PLEKHG5: variants seen among roughly 807,000 people sequenced by gnomAD.
The protein encoded by PLEKHG5 is pleckstrin homology and RhoGEF domain containing G5.
Under a neutral mutation model 103.8 loss-of-function variants are expected in PLEKHG5, and 52 were observed. The observed-to-expected ratio is 0.50, with a 90% CI of 0.40 to 0.63. The LOEUF (loss-of-function observed/expected upper bound fraction) is 0.63, where lower values mean the gene tolerates loss of function less well. Among genes scored for constraint, PLEKHG5 ranks in the 30% least tolerant of loss-of-function variants. The pLI, the probability that PLEKHG5 is intolerant of heterozygous loss-of-function variation, is 0.00. For missense variants in PLEKHG5, 1,205 were observed against 1,347.6 expected (o/e 0.89, Z 1.66); for synonymous variants, 592 against 575.5 (o/e 1.03, Z -0.41).
At chr1:6,480,718 G>C (rs945800565) in intron 1 of PLEKHG5, among the ~76,000 whole-genome samples, 1 of 150,968 alleles carries the variant, frequency 6.6e-6, no homozygotes, top group Non-Finnish European at 1.5e-5. Context: ...CCGCAATCTC[G>C]GCTCACTGCA....
At chr1:6,514,070 C>A (rs1233717270) in intron 1 of PLEKHG5, among the ~76,000 whole-genome samples, 5 of 152,208 alleles carry the variant, frequency 3.3e-5, no homozygotes, top group Admixed American at 2.6e-4. Flanking sequence ...CGTCTACAGT[C>A]TCAGCACTTT....
chr1:6,476,356 CATTTTTTTGT>C (rs1451637384), intron 2 of PLEKHG5, among the ~76,000 whole-genome samples: 1 of 151,960 alleles, frequency 6.6e-6, no homozygotes, highest in East Asian at 1.9e-4. Context: ...ACACCCGGCT[CATTTTTTTGT>C]ATTTTTAGTA....
At chr1:6,517,350 A>C (rs1638654826) in intron 1 of PLEKHG5, among the ~76,000 whole-genome samples, 1 of 151,790 alleles carries the variant, frequency 6.6e-6, no homozygotes, top group Non-Finnish European at 1.5e-5. Context: ...TATGCTGAGA[A>C]TAGGTGACCA....
intron 1 of PLEKHG5, among the ~76,000 whole-genome samples, chr1:6,511,437 G>T (rs1638467980): frequency 6.6e-6 from 1 of 152,246 alleles, no homozygotes; most frequent in South Asian, 2.1e-4. Flanking sequence ...GTGATTAAAT[G>T]AGGCTGCCTG....
intron 1 of PLEKHG5, among the ~76,000 whole-genome samples, chr1:6,517,400 C>A (rs879827162): frequency 1.3e-5 from 2 of 151,882 alleles, no homozygotes; most frequent in Non-Finnish European, 2.9e-5. Context: ...ACAGGGGACA[C>A]TCCAAAAGGT....
In PLEKHG5 at chr1:6,470,097, G is replaced by A; in HGVS notation, c.1800+139C>T. 7.1e-6 allele frequency: 7 copies of A among 980,220 alleles called. No homozygotes were observed. The South Asian group carries it at 7.7e-5, about 11-fold the overall frequency. The allele number at this position is 980,220 out of a possible 1,614,324, so 60.7% of individuals were successfully genotyped here. ...CTGCTGGATTTGTGAATGGCAGGCA[G>A]AGAACTGTCATTCACTATGACAAGG... On this transcript the variant is annotated intron_variant, in intron 16 of 20. Coordinates refer to ENST00000377728, the MANE Select transcript of PLEKHG5 (RefSeq NM_020631.6).
chr1:6,519,877 C>T, exon 1 of PLEKHG5: 1 of 366,872 alleles, frequency 2.7e-6, no homozygotes, highest in Non-Finnish European at 5.2e-6. Flanking sequence ...GGCTCCCACA[C>T]TGCTGGCTGC....
At chr1:6,516,724 T>C (rs1405482467) in intron 1 of PLEKHG5, among the ~76,000 whole-genome samples, 1 of 149,282 alleles carries the variant, frequency 6.7e-6, no homozygotes, top group Middle Eastern at 3.2e-3. Context: ...CTGGCATATA[T>C]ATATATGTGT....
At position 6,471,777 on chromosome 1, in the gene PLEKHG5, T is replaced by G. The variant is rs1569861657; in HGVS notation, c.1112A>C (p.Glu371Ala). The change falls in exon 11 of 21, where the codon GAG becomes GCG. Residue 371 changes from glutamate to alanine, a missense_variant. Glu to Ala is a moderately radical substitution (Grantham distance 107). Coordinates refer to ENST00000377728, the MANE Select transcript of PLEKHG5 (RefSeq NM_020631.6). ...GCGCACCTCACACAGCAGCCCTGAC[T>G]CTTGCAGGTTCAGGAGGCAGCACAG... ...LFLCCLLNLQ[E>A]SGLLCEVEAE... The G allele has an allele frequency of 6.2e-7, 1 of 1,610,142 alleles. No homozygotes were observed. The highest frequency in any genetic ancestry group is 1.7e-5 in the Admixed American group (1 of 59,654).
At chr1:6,472,474 G>C (rs1251427604) in intron 10 of PLEKHG5, 53 bp downstream of exon 10, 2 of 1,260,584 alleles carry the variant, frequency 1.6e-6, no homozygotes, top group Non-Finnish European at 2.3e-6. Flanking sequence ...GCTGAGGGCT[G>C]TCAGAAAGAG....
At position 6,468,162 on chromosome 1, in the gene PLEKHG5, G is replaced by T; in HGVS notation, c.2674C>A (p.His892Asn). Residue 892 changes from histidine (H) to asparagine (N), a missense_variant, in exon 20 of 21, where the codon CAT becomes AAT. By Grantham distance (68) the His-to-Asn change is moderately conservative. Coordinates refer to ENST00000377728, the MANE Select transcript of PLEKHG5 (RefSeq NM_020631.6). ...CGGCTGGGGGCAGAGGGTGTCCCAT[G>T]GGTGCCAGCCCCTGCCAGCAGCTGG... ...LLQLLAGAGT[H>N]GTPSAPSRSL... The T allele has an allele frequency of 6.4e-7, 1 of 1,569,628 alleles. No individual in the cohort carries two copies.
upstream of PLEKHG5, chr1:6,496,862 G>C (rs1049031333): frequency 8.7e-6 from 7 of 804,368 alleles, no homozygotes; most frequent in Non-Finnish European, 1.1e-5. Flanking sequence ...GTGGGGGAGC[G>C]CTCAGTGACC....
chr1:6,492,829 G>A (rs748622358), upstream of PLEKHG5, among the ~76,000 whole-genome samples: 40 of 151,954 alleles, frequency 2.6e-4, no homozygotes, highest in Admixed American at 4.6e-4. Context: ...TTCTCTCCTG[G>A]GGTCTCCATG....
intron 1 of PLEKHG5, among the ~76,000 whole-genome samples, chr1:6,509,366 G>C (rs1638413404): frequency 6.6e-6 from 1 of 152,240 alleles, no homozygotes; most frequent in South Asian, 2.1e-4. Flanking sequence ...CAATGGCCTT[G>C]GACATGGGGA....
chr1:6,478,203 TTC>T (rs1644814588), intron 1 of PLEKHG5, among the ~76,000 whole-genome samples: 1 of 151,734 alleles, frequency 6.6e-6, no homozygotes. Flanking sequence ...TTTTTTTTCT[TTC>T]TTTCTTTGAG....
upstream of PLEKHG5, among the ~76,000 whole-genome samples, chr1:6,498,799 G>A (rs1212145393): frequency 2.6e-5 from 4 of 152,210 alleles, no homozygotes; most frequent in African/African-American, 7.2e-5. Context: ...TTCCCTCTCC[G>A]AGTCTCTGCT....
At chr1:6,509,433 AG>A (rs976741781) in intron 1 of PLEKHG5, among the ~76,000 whole-genome samples, 1 of 152,218 alleles carries the variant, frequency 6.6e-6, no homozygotes, top group Admixed American at 6.5e-5. Flanking sequence ...GTGCCAAGTG[AG>A]GGAGGACCCA....
At chr1:6,493,924 T>C (rs1342639336), upstream of PLEKHG5, among the ~76,000 whole-genome samples, 3 of 151,948 alleles carry the variant, frequency 2.0e-5, no homozygotes, top group Non-Finnish European at 2.9e-5. Context: ...CCTCCCAAAG[T>C]GCTGGGATTA....
At position 6,476,713 on chromosome 1, in the gene PLEKHG5, C is replaced by T. The variant is rs544195746; in HGVS notation, c.44-677G>A. Reference sequence around the variant, plus strand: ...TCCCCTCCCCCATGCTGTGACCACACCTGAATTCCCAAGGGGCCCTGGCAG... The same window carrying T: ...TCCCCTCCCCCATGCTGTGACCACATCTGAATTCCCAAGGGGCCCTGGCAG... On this transcript the variant is annotated intron_variant, in intron 2 of 20. Coordinates refer to ENST00000377728, the MANE Select transcript of PLEKHG5 (RefSeq NM_020631.6). Among the ~76,000 whole-genome samples the T allele has an allele frequency of 5.8e-4, 88 of 152,344 alleles. 1 individual carries two copies. In the South Asian group the frequency reaches 0.018, roughly 31 times the overall value.
Sources: gnomAD v4.1 joint callset for allele counts (sites outside exome capture counted in the v4.1 genomes callset) on GRCh38, gnomAD v4.1.1 for gene constraint, MANE v1.5 for transcripts, NCBI Gene and HGNC (gene_info 2026-07-23, HGNC 2026-07-21) for gene names.